The following SGCZ variants were observed in gnomAD, a reference collection of about 807,000 sequenced individuals.
The protein encoded by SGCZ is zeta-sarcoglycan.
Under a neutral mutation model 41.3 loss-of-function variants are expected in SGCZ, and 40 were observed. The ratio of observed to expected loss-of-function variants is 0.97; its 90% CI spans 0.75 to 1.26. SGCZ has a LOEUF of 1.26. SGCZ is among the 50% of genes most tolerant of loss of function. The probability of loss-of-function intolerance (pLI) is 0.00; values close to 1 mark genes in which losing one functional copy is unlikely to be tolerated. For synonymous variants in SGCZ, 206 were observed against 137.5 expected (o/e 1.50, Z -3.49); for missense variants, 552 against 369.8 (o/e 1.49, Z -4.04).
At chr8:14,743,895 G>A (rs1799269527) in intron 1 of SGCZ, among the ~76,000 whole-genome samples, 1 of 152,032 alleles carries the variant, frequency 6.6e-6, no homozygotes, top group African/African-American at 2.4e-5. Context: ...TAAATCCCGT[G>A]GAGAATTCCC....
At chr8:14,409,671 C>G (rs1469065528) in intron 2 of SGCZ, among the ~76,000 whole-genome samples, 1 of 152,120 alleles carries the variant, frequency 6.6e-6, no homozygotes, top group African/African-American at 2.4e-5. Context: ...ATAGCTAACG[C>G]TAACCACCAT....
At chr8:14,384,327 T>C (rs540952626) in intron 2 of SGCZ, among the ~76,000 whole-genome samples, 14 of 152,270 alleles carry the variant, frequency 9.2e-5, no homozygotes, top group African/African-American at 3.1e-4. Flanking sequence ...CAGTTGTTTA[T>C]TGCGGCACTG....
chr8:15,129,779 T>C (rs560964383), intron 1 of SGCZ, among the ~76,000 whole-genome samples: 1 of 149,284 alleles, frequency 6.7e-6, no homozygotes, highest in South Asian at 2.1e-4. Flanking sequence ...AATGGAACTC[T>C]CTTTGCAGGA....
intron 1 of SGCZ, among the ~76,000 whole-genome samples, chr8:15,142,182 G>A (rs1172184908): frequency 1.3e-5 from 2 of 152,126 alleles, no homozygotes; most frequent in African/African-American, 4.8e-5. Context: ...GAGGACTTTT[G>A]ATTAAGAGGG....
chr8:14,318,424 CA>C (rs373364627), intron 3 of SGCZ, among the ~76,000 whole-genome samples: 173 of 151,448 alleles, frequency 1.1e-3, no homozygotes, highest in Middle Eastern at 6.8e-3. Context: ...AAGCAGAAGT[CA>C]AAAAAAAGAT....
intron 1 of SGCZ, among the ~76,000 whole-genome samples, chr8:15,186,262 CAAAA>C (rs61237091): frequency 4.6e-4 from 37 of 80,682 alleles, no homozygotes; most frequent in African/African-American, 2.1e-3. Context: ...GATTCCGTAC[CAAAA>C]AAAAAAAAAA....
intron 5 of SGCZ, among the ~76,000 whole-genome samples, chr8:14,133,249 A>T (rs1803096042): frequency 6.6e-6 from 1 of 152,190 alleles, no homozygotes. Flanking sequence ...TGAACGTCCC[A>T]ATTTCCCAGA....
In SGCZ at chr8:15,097,911, C is replaced by CGT. The variant is rs1554455286; in HGVS notation, c.39+139672_39+139673dup. 2.0e-3 allele frequency among the ~76,000 whole-genome samples: 182 copies of CGT among 90,320 alleles called. 3 individuals carry two copies. The highest frequency in any genetic ancestry group is 5.0e-3 in the African/African-American group (105 of 20,946). The allele number at this position is 90,320 out of a possible 152,430, so 59.3% of individuals were successfully genotyped here. ...GTGTATATATATATATATATATATA[C>CGT]GTGTGTATATATATATATATACATA... On this transcript the variant is annotated intron_variant, in intron 1 of 7. Transcript: ENST00000382080.
chr8:14,902,258 T>C (rs1198492163), intron 1 of SGCZ, among the ~76,000 whole-genome samples: 1 of 152,126 alleles, frequency 6.6e-6, no homozygotes, highest in Non-Finnish European at 1.5e-5. Context: ...TTTGAGTTTC[T>C]GGTCTTTTAC....
intron 2 of SGCZ, among the ~76,000 whole-genome samples, chr8:14,491,016 T>G (rs986855819): frequency 1.3e-5 from 2 of 152,220 alleles, no homozygotes; most frequent in African/African-American, 2.4e-5. Context: ...ATTCTACTAA[T>G]CAATTTAAAC....
At chr8:15,228,051 GA>G (rs543992128) in intron 1 of SGCZ, among the ~76,000 whole-genome samples, 2 of 151,814 alleles carry the variant, frequency 1.3e-5, no homozygotes, top group African/African-American at 4.8e-5. Context: ...ACAGATGTTT[GA>G]AAAAAAAGTC....
At position 14,190,014 on chromosome 8, in the gene SGCZ, C is replaced by CTTTCTTTTT. The variant is rs757923069; in HGVS notation, c.425-25313_425-25312insAAAAAGAAA. 6.7e-3 allele frequency among the ~76,000 whole-genome samples: 667 copies of CTTTCTTTTT among 100,184 alleles called. 7 individuals carry two copies. Among genetic ancestry groups the CTTTCTTTTT allele is most frequent in the African/African-American group, 0.019 (535 of 28,368 alleles). 65.7% of individuals were successfully genotyped at this position (100,184 alleles called of 152,430 possible). A position where few individuals can be genotyped will look rare whatever the true frequency, so the allele number is the denominator to read the frequency against. On this transcript the variant is annotated intron_variant, in intron 4 of 7. Coordinates refer to ENST00000382080, the MANE Select transcript of SGCZ (RefSeq NM_139167.4). ...GAATCTACTTTTTCTTTCTTTCTTTCTTTTTTTTTTTTTTTTGAGACGGAC... is the reference window on the plus strand; with the variant it reads ...GAATCTACTTTTTCTTTCTTTCTTTCTTTCTTTTTTTTTTTTTTTTTTTTTGAGACGGAC...
chr8:14,116,430 A>T (rs917297255), intron 5 of SGCZ, among the ~76,000 whole-genome samples: 9 of 152,080 alleles, frequency 5.9e-5, no homozygotes, highest in African/African-American at 2.2e-4. Context: ...ATGAGAAAAG[A>T]TTCAGAATCT....
chr8:14,490,895 A>C (rs1801823399), intron 2 of SGCZ, among the ~76,000 whole-genome samples: 1 of 152,236 alleles, frequency 6.6e-6, no homozygotes, highest in Non-Finnish European at 1.5e-5. Flanking sequence ...TTGCTGTTTC[A>C]GGAGCTAAAA....
intron 2 of SGCZ, among the ~76,000 whole-genome samples, chr8:14,403,011 T>C (rs1391143325): frequency 6.7e-6 from 1 of 149,914 alleles, no homozygotes; most frequent in Non-Finnish European, 1.5e-5. Context: ...TCACATCCCT[T>C]GTAAGTTGGA....
At chr8:14,641,089 C>G (rs1807010419) in intron 1 of SGCZ, among the ~76,000 whole-genome samples, 1 of 151,534 alleles carries the variant, frequency 6.6e-6, no homozygotes, top group Non-Finnish European at 1.5e-5. Context: ...AATAATCAAA[C>G]TAACACTTCC....
At chr8:14,222,963 C>T (rs1806253541) in intron 4 of SGCZ, among the ~76,000 whole-genome samples, 1 of 151,712 alleles carries the variant, frequency 6.6e-6, no homozygotes, top group Non-Finnish European at 1.5e-5. Context: ...AGGCACGTAC[C>T]ACCACACCCA....
chr8:14,237,694 T>G lies in SGCZ; in HGVS notation c.337-15A>C. On this transcript the variant is annotated splice_polypyrimidine_tract_variant and intron_variant, in intron 3 of 7. Transcript: ENST00000382080. ...AGCGGACTATCCTGGGAAACATGTA[T>G]AAAATAAATAAATAGAAAATAGAAA... is the stretch of plus-strand genomic sequence containing the variant. 1 of 1,589,510 alleles carries G rather than the reference T, an allele frequency of 6.3e-7. No individual in the cohort carries two copies. The highest frequency in any genetic ancestry group is 2.2e-5 in the East Asian group (1 of 44,672).
At position 14,236,660 on chromosome 8, in the gene SGCZ, C is replaced by A. The variant is rs146622235; in HGVS notation, c.424+932G>T. On this transcript the variant is annotated intron_variant, in intron 4 of 7. Transcript: ENST00000382080. ...TTTCCCTCTTTCTCATTCTCTCTCT[C>A]TCTATATATATGTGTATGTATGTAT... Among the ~76,000 whole-genome samples the A allele has an allele frequency of 5.3e-3, 807 of 151,542 alleles. 6 individuals carry two copies. The highest frequency in any genetic ancestry group is 0.018 in the African/African-American group (738 of 41,506).
Sources: allele counts gnomAD v4.1 joint callset (sites outside exome capture counted in the v4.1 genomes callset), GRCh38; gene constraint gnomAD v4.1.1; transcripts MANE v1.5; gene names NCBI Gene and HGNC (gene_info 2026-07-23, HGNC 2026-07-21).